Variants in NPAS3 observed in about 807,000 individuals in gnomAD.
The protein encoded by NPAS3 is neuronal PAS domain protein 3.
In NPAS3, 14 loss-of-function variants were observed where a neutral mutation model predicts 73.1. The observed-to-expected ratio is 0.19, with a 90% CI of 0.13 to 0.30. NPAS3 has a LOEUF of 0.30. Ranked by LOEUF, NPAS3 falls within the 10% of genes least tolerant of loss-of-function variation. The pLI, the probability that NPAS3 is intolerant of heterozygous loss-of-function variation, is 1.00. For missense variants in NPAS3, 1,096 were observed against 1,250.0 expected (o/e 0.88, Z 1.86); for synonymous variants, 620 against 541.5 (o/e 1.14, Z -2.01).
intron 2 of NPAS3, among the ~76,000 whole-genome samples, chr14:33,137,792 A>G (rs977434608): frequency 2.6e-5 from 4 of 152,214 alleles, no homozygotes; most frequent in Admixed American, 6.5e-5. Context: ...ATGTGTTTCT[A>G]GAGCTATTTG....
intron 2 of NPAS3, among the ~76,000 whole-genome samples, chr14:33,139,469 C>A (rs1449046550): frequency 6.6e-6 from 1 of 152,082 alleles, no homozygotes; most frequent in Non-Finnish European, 1.5e-5. Context: ...AATCTTATAT[C>A]ATTGGAGTGT....
chr14:33,221,377 T>C (rs2047421040), intron 3 of NPAS3, among the ~76,000 whole-genome samples: 1 of 152,146 alleles, frequency 6.6e-6, no homozygotes, highest in South Asian at 2.1e-4. Context: ...ATTTCACAGA[T>C]AGAAGATGAA....
intron 2 of NPAS3, chr14:33,213,878 G>T (rs1221025245): frequency 6.6e-6 from 1 of 152,148 alleles, no homozygotes; most frequent in Non-Finnish European, 1.5e-5. Context: ...TTTCAGGTGT[G>T]ATTTCTGCAG....
At chr14:33,277,786 C>T (rs933000389) in intron 3 of NPAS3, among the ~76,000 whole-genome samples, 3 of 151,932 alleles carry the variant, frequency 2.0e-5, no homozygotes, top group African/African-American at 7.3e-5. Flanking sequence ...GGAGTAGTAG[C>T]CAGGACCAGA....
At chr14:32,938,921 G>C (rs1483195418), upstream of NPAS3, among the ~76,000 whole-genome samples, 1 of 145,458 alleles carries the variant, frequency 6.9e-6, no homozygotes, top group Non-Finnish European at 1.5e-5. Context: ...CGGGAGCCGG[G>C]GCGGCCCGGG....
chr14:33,409,210 C>A (rs563684295), intron 4 of NPAS3, among the ~76,000 whole-genome samples: 2 of 152,150 alleles, frequency 1.3e-5, no homozygotes, highest in East Asian at 3.9e-4. Flanking sequence ...TTGAGCAGCC[C>A]CACTGGGGGG....
intron 6 of NPAS3, among the ~76,000 whole-genome samples, chr14:33,703,606 T>C (rs550451253): frequency 6.6e-6 from 1 of 152,278 alleles, no homozygotes; most frequent in South Asian, 2.1e-4. Context: ...TAAATTTTAA[T>C]GTTATCATTT....
upstream of NPAS3, among the ~76,000 whole-genome samples, chr14:32,938,525 A>AGAGAGAGAGAGAGAGAGAGG (rs1566779564): frequency 4.5e-5 from 3 of 66,250 alleles, no homozygotes; most frequent in African/African-American, 1.6e-4. Flanking sequence ...GAGAGAGAGA[A>AGAGAGAGAGAGAGAGAGAGG]GGGGGGGGAG....
At chr14:33,592,707 T>G (rs1442818914) in intron 5 of NPAS3, among the ~76,000 whole-genome samples, 1 of 152,188 alleles carries the variant, frequency 6.6e-6, no homozygotes, top group Non-Finnish European at 1.5e-5. Flanking sequence ...GACTAGGAAG[T>G]CTTAAATGCG....
intron 1 of NPAS3, among the ~76,000 whole-genome samples, chr14:32,956,069 G>T (rs567976558): frequency 2.0e-5 from 3 of 150,972 alleles, no homozygotes; most frequent in Non-Finnish European, 3.0e-5. Flanking sequence ...ACCATTGATG[G>T]TTTTTTTTTA....
chr14:32,954,720 T>A (rs1467347108), intron 1 of NPAS3, among the ~76,000 whole-genome samples: 1 of 152,104 alleles, frequency 6.6e-6, no homozygotes, highest in Non-Finnish European at 1.5e-5. Context: ...CCATAGACAT[T>A]GTCGGTATTA....
chr14:33,271,455 G>A (rs1447387259), intron 3 of NPAS3, among the ~76,000 whole-genome samples: 2 of 151,234 alleles, frequency 1.3e-5, no homozygotes, highest in Non-Finnish European at 3.0e-5. Context: ...CTGTTGGGGA[G>A]AAGGAGAGGC....
intron 5 of NPAS3, among the ~76,000 whole-genome samples, chr14:33,567,543 G>A (rs945525538): frequency 1.3e-5 from 2 of 152,174 alleles, no homozygotes. Flanking sequence ...TATGCTATCT[G>A]CAAGGAATCA....
chr14:33,334,133 T>C (rs907478083), intron 3 of NPAS3, among the ~76,000 whole-genome samples: 3 of 152,220 alleles, frequency 2.0e-5, no homozygotes, highest in African/African-American at 4.8e-5. Context: ...CACTTTGTCT[T>C]ATTATTAGCA....
chr14:33,198,373 AT>A (rs1395696088), intron 2 of NPAS3, among the ~76,000 whole-genome samples: 2 of 152,022 alleles, frequency 1.3e-5, no homozygotes, highest in Admixed American at 1.3e-4. Context: ...CAGAGAGCTG[AT>A]TGGTCCATTT....
intron 2 of NPAS3, among the ~76,000 whole-genome samples, chr14:33,072,084 T>C (rs1367232221): frequency 6.6e-6 from 1 of 152,030 alleles, no homozygotes; most frequent in Admixed American, 6.5e-5. Flanking sequence ...AGAGATGGGG[T>C]TTCACCAAGT....
rs756024029 is a variant in NPAS3, at chr14:33,367,283, A to G, written c.468+15A>G. On this transcript the variant is annotated intron_variant, in intron 4 of 11. Transcript: ENST00000356141. ...ACATTTTGCAGGTACCTTTAAAACA[A>G]AAAGAAGCTTTCTTATATTTTACTA... 2 of 843,274 alleles carry G rather than the reference A, an allele frequency of 2.4e-6. No individual in the cohort carries two copies. Among genetic ancestry groups the G allele is most frequent in the Admixed American group, 3.9e-5 (2 of 51,230 alleles). The allele number at this position is 843,274 out of a possible 1,614,324, so 52.2% of individuals were successfully genotyped here.
chr14:32,958,139 T>C (rs1006776990), intron 1 of NPAS3, among the ~76,000 whole-genome samples: 3 of 152,006 alleles, frequency 2.0e-5, no homozygotes, highest in Non-Finnish European at 4.4e-5. Flanking sequence ...GATTTATTTC[T>C]CTTTTTATAA....
At chr14:33,769,208 T>G (rs2062561698) in intron 7 of NPAS3, among the ~76,000 whole-genome samples, 1 of 152,158 alleles carries the variant, frequency 6.6e-6, no homozygotes, top group Admixed American at 6.5e-5. Flanking sequence ...TGGTTTTAAT[T>G]ATCACCTCCA....
Sources: allele counts gnomAD v4.1 joint callset (sites outside exome capture counted in the v4.1 genomes callset), GRCh38; gene constraint gnomAD v4.1.1; transcripts MANE v1.5; gene names NCBI Gene and HGNC (gene_info 2026-07-23, HGNC 2026-07-21).